TENM4: variants seen among roughly 807,000 people sequenced by gnomAD.
TENM4 encodes the protein teneurin transmembrane protein 4, also known as teneurin-4.
TENM4 carries 82 observed loss-of-function variants against 243.3 expected under a neutral mutation model. The ratio of observed to expected loss-of-function variants is 0.34; its 90% CI spans 0.28 to 0.40. TENM4 has a LOEUF of 0.40. TENM4 is among the 10% of genes least tolerant of loss of function. The pLI is 1.00. For synonymous variants in TENM4, 1,412 were observed against 1,456.3 expected, an observed-to-expected ratio of 0.97 and a Z score of 0.69; for missense variants, 3,138 against 3,673.3, an observed-to-expected ratio of 0.85 and a Z score of 3.77.
Position 78,786,974 on chromosome 11 carries a change from G to T in TENM4, c.2289C>A (p.Arg763=). 1 of 1,591,526 alleles carries T rather than the reference G, an allele frequency of 6.3e-7. No homozygotes were observed. The highest frequency in any genetic ancestry group is 8.6e-7 in the Non-Finnish European group (1 of 1,169,386). ...CGCGGCAGGTCCCATGCTCGGCACAGCGCGGGTGGCAGGCCCGCTGGTCGC... is the reference window on the plus strand; with the variant it reads ...CGCGGCAGGTCCCATGCTCGGCACATCGCGGGTGGCAGGCCCGCTGGTCGC... ...AACDQRACHP[R]CAEHGTCRDG... Residue 763 remains arginine, a synonymous_variant, in exon 16 of 34, where the codon CGC becomes CGA. Transcript: ENST00000278550.
intron 6 of TENM4, among the ~76,000 whole-genome samples, chr11:79,018,333 G>A (rs1160394056): frequency 6.6e-6 from 1 of 152,132 alleles, no homozygotes; most frequent in East Asian, 1.9e-4. Context: ...TCTCTTGCCA[G>A]CAGCTGGCTC....
intron 6 of TENM4, among the ~76,000 whole-genome samples, chr11:78,941,607 TG>T (rs35114546): frequency 1.4e-5 from 2 of 145,286 alleles, no homozygotes; most frequent in African/African-American, 5.1e-5. Context: ...GGGGTGGGGT[TG>T]GGGGGGTGTC....
intron 6 of TENM4, among the ~76,000 whole-genome samples, chr11:79,007,987 T>G (rs1440410978): frequency 6.6e-6 from 1 of 151,826 alleles, no homozygotes; most frequent in Non-Finnish European, 1.5e-5. Flanking sequence ...GACTTGAGAG[T>G]TTCAAACCCG....
chr11:79,190,517 C>T (rs1863459287), intron 3 of TENM4, among the ~76,000 whole-genome samples: 1 of 152,148 alleles, frequency 6.6e-6, no homozygotes, highest in Non-Finnish European at 1.5e-5. Flanking sequence ...TCAGTATTTA[C>T]TTTTAGAATA....
chr11:78,956,557 G>A (rs983315703), intron 6 of TENM4, among the ~76,000 whole-genome samples: 2 of 152,192 alleles, frequency 1.3e-5, no homozygotes, highest in Non-Finnish European at 2.9e-5. Flanking sequence ...GAGCTTCCTG[G>A]TCAGCAACTT....
At chr11:79,428,527 G>A (rs1859101327) in intron 1 of TENM4, among the ~76,000 whole-genome samples, 2 of 152,326 alleles carry the variant, frequency 1.3e-5, no homozygotes, top group East Asian at 1.9e-4. Context: ...GCTTGGTGGA[G>A]GGTTGTGCAT....
intron 10 of TENM4, among the ~76,000 whole-genome samples, chr11:78,857,032 C>T (rs1858697013): frequency 2.0e-5 from 3 of 152,164 alleles, no homozygotes; most frequent in Admixed American, 2.0e-4. Flanking sequence ...GCAAGGAAGG[C>T]AGCTTATCAA....
At chr11:79,216,189 A>G (rs1014786320) in intron 2 of TENM4, among the ~76,000 whole-genome samples, 1 of 152,162 alleles carries the variant, frequency 6.6e-6, no homozygotes, top group East Asian at 1.9e-4. Flanking sequence ...CTTGCCTTAA[A>G]ATAATTGTTT....
intron 12 of TENM4, among the ~76,000 whole-genome samples, chr11:78,846,998 C>A (rs1858410998): frequency 6.6e-6 from 1 of 152,204 alleles, no homozygotes. Context: ...GAAATGTAAG[C>A]TGAATGTTTT....
At chr11:78,725,815 C>T (rs1165976371) in intron 23 of TENM4, among the ~76,000 whole-genome samples, 3 of 152,218 alleles carry the variant, frequency 2.0e-5, no homozygotes, top group African/African-American at 7.2e-5. Flanking sequence ...TGTCAGGGTG[C>T]ATATGGCACA....
intron 3 of TENM4, among the ~76,000 whole-genome samples, chr11:79,161,745 G>A (rs1246926066): frequency 6.6e-6 from 1 of 152,222 alleles, no homozygotes; most frequent in African/African-American, 2.4e-5. Flanking sequence ...CTTGTTCTCT[G>A]TGAAAGGAGT....
chr11:78,712,393 A>T (rs915469409), intron 26 of TENM4, 89 bp downstream of exon 26: 4 of 1,341,712 alleles, frequency 3.0e-6, no homozygotes, highest in African/African-American at 1.5e-5. Flanking sequence ...TTTTCCAAAA[A>T]TTTTTGCAAT....
At chr11:79,245,558 T>C (rs899391363) in intron 2 of TENM4, among the ~76,000 whole-genome samples, 5 of 152,088 alleles carry the variant, frequency 3.3e-5, no homozygotes, top group African/African-American at 1.2e-4. Context: ...GGAACCAACA[T>C]TGTGGCATTT....
At chr11:79,260,303 C>T (rs1323223848) in intron 2 of TENM4, among the ~76,000 whole-genome samples, 1 of 152,190 alleles carries the variant, frequency 6.6e-6, no homozygotes, top group African/African-American at 2.4e-5. Flanking sequence ...ACCCTGATTG[C>T]GAGTGCTTCC....
chr11:78,786,766 T>C (rs1253626454), intron 16 of TENM4, 132 bp downstream of exon 16: 1 of 1,285,468 alleles, frequency 7.8e-7, no homozygotes. Flanking sequence ...CCAGTCATAA[T>C]ACCTCCAGAT....
chr11:79,416,347 C>T (rs1357702502), intron 1 of TENM4, among the ~76,000 whole-genome samples: 4 of 152,194 alleles, frequency 2.6e-5, no homozygotes, highest in African/African-American at 7.2e-5. Flanking sequence ...TCTCCTTTTA[C>T]ATTTCTGTTG....
chr11:79,280,841 G>T (rs1030277852), intron 2 of TENM4, among the ~76,000 whole-genome samples: 2 of 152,192 alleles, frequency 1.3e-5, no homozygotes, highest in Non-Finnish European at 2.9e-5. Context: ...AGGAGCTGTG[G>T]GCCCTGCCTG....
At chr11:79,117,797 C>A (rs1219900556) in intron 4 of TENM4, among the ~76,000 whole-genome samples, 1 of 152,184 alleles carries the variant, frequency 6.6e-6, no homozygotes, top group Non-Finnish European at 1.5e-5. Flanking sequence ...TCAGTCTCTT[C>A]ATCAGTAAAA....
intron 29 of TENM4, among the ~76,000 whole-genome samples, chr11:78,686,555 G>A (rs867486802): frequency 6.7e-6 from 1 of 149,938 alleles, no homozygotes; most frequent in Non-Finnish European, 1.5e-5. Context: ...GGTGGGGTTG[G>A]GGGGGCAGTT....
Sources: allele counts gnomAD v4.1 joint callset (sites outside exome capture counted in the v4.1 genomes callset), GRCh38; gene constraint gnomAD v4.1.1; transcripts MANE v1.5; gene names NCBI Gene and HGNC (gene_info 2026-07-23, HGNC 2026-07-21).